SLC6A19: variants seen among roughly 807,000 people sequenced by gnomAD.
SLC6A19 encodes sodium-dependent neutral amino acid transporter B(0)AT1.
A neutral mutation model predicts 68.3 loss-of-function variants in SLC6A19; 67 were observed. The ratio of observed to expected loss-of-function variants is 0.98; its 90% CI spans 0.81 to 1.20. The LOEUF is 1.20. Among genes scored for constraint, SLC6A19 ranks in the 50% most tolerant of loss-of-function variants. The pLI is 0.00. For synonymous variants in SLC6A19, 392 were observed against 374.9 expected (o/e 1.05, Z -0.53); for missense variants, 813 against 851.6 (o/e 0.95, Z 0.56).
intron 1 of SLC6A19, among the ~76,000 whole-genome samples, chr5:1,205,697 C>G (rs185329202): frequency 3.3e-4 from 50 of 152,242 alleles, no homozygotes; most frequent in African/African-American, 1.2e-3. Context: ...GTGGAGGACA[C>G]TGGGGATCAT....
chr5:1,208,377 G>A (rs939950524), intron 1 of SLC6A19, among the ~76,000 whole-genome samples: 4 of 151,966 alleles, frequency 2.6e-5, no homozygotes, highest in Admixed American at 6.5e-5. Context: ...CAGCTCCTCC[G>A]TGGGACTCCT....
chr5:1,209,022 A>G lies in SLC6A19; in HGVS notation c.343+136A>G. 2 of 1,225,524 alleles carry G rather than the reference A, an allele frequency of 1.6e-6. No homozygotes were observed. Among genetic ancestry groups the G allele is most frequent in the Non-Finnish European group, 2.2e-6 (2 of 908,826 alleles). 75.9% of individuals were successfully genotyped at this position (1,225,524 alleles called of 1,614,324 possible). A position where few individuals can be genotyped will look rare whatever the true frequency, so the allele number is the denominator to read the frequency against. On this transcript the variant is annotated intron_variant, in intron 2 of 11. Coordinates refer to ENST00000304460, the MANE Select transcript of SLC6A19 (RefSeq NM_001003841.3). The surrounding 1 kb of genome is among the most constrained non-coding windows in gnomAD (Gnocchi z 5.5). ...TCCCTGTCTGTTTCTGGTGCAACAA[A>G]GGTCCCAGCTTCATCTCCTGGAGGC...
At position 1,209,381 on chromosome 5, in the gene SLC6A19, C is replaced by T. The variant is rs557863513; in HGVS notation, c.343+495C>T. Among the ~76,000 whole-genome samples the T allele has an allele frequency of 1.9e-4, 29 of 152,218 alleles. No individual in the cohort carries two copies. Among genetic ancestry groups the T allele is most frequent in the African/African-American group, 4.3e-4 (18 of 41,548 alleles). On this transcript the variant is annotated intron_variant, in intron 2 of 11. Transcript: ENST00000304460. The surrounding 1 kb of genome is among the most constrained non-coding windows in gnomAD (Gnocchi z 5.5). ...ATTAAGCCCTCAGAATATGGGCAGA[C>T]GGTGAAAGACGGAGGAGGAAAGGGC...
Position 1,214,388 on chromosome 5 carries a change from C to T in SLC6A19, c.887+323C>T, listed in dbSNP as rs568308721. On this transcript the variant is annotated intron_variant, in intron 6 of 11. Coordinates refer to ENST00000304460, the MANE Select transcript of SLC6A19 (RefSeq NM_001003841.3). The surrounding 1 kb of genome is among the most constrained non-coding windows in gnomAD (Gnocchi z 7.4). Reference sequence around the variant, plus strand: ...CCACACCCACATCGCTCCCAGCCCACCCCTGGGCATCCCAGGCCCCCAGAC... The same window carrying T: ...CCACACCCACATCGCTCCCAGCCCATCCCTGGGCATCCCAGGCCCCCAGAC... Among the ~76,000 whole-genome samples the T allele has an allele frequency of 9.9e-5, 15 of 152,248 alleles. No homozygotes were observed. The East Asian group carries it at 2.9e-3, about 29-fold the overall frequency.
chr5:1,210,587 T>A lies in SLC6A19; in HGVS notation c.481+6T>A. 1.2e-6 allele frequency: 2 copies of A among 1,612,142 alleles called. No individual in the cohort carries two copies. The highest frequency in any genetic ancestry group is 8.5e-7 in the Non-Finnish European group (1 of 1,179,968). On this transcript the variant is annotated splice_donor_region_variant and intron_variant, in intron 3 of 11. Transcript: ENST00000304460. ...GCTCAACGAGAACCAGACAGGTGAG[T>A]CCTTGCAAGCAGCCCCATCCGTCTC...
chr5:1,212,356 G>C lies in SLC6A19; in HGVS notation c.535G>C (p.Glu179Gln), dbSNP rs766694319. The C allele has an allele frequency of 1.7e-5, 28 of 1,613,518 alleles. No homozygotes were observed. The South Asian group carries it at 3.0e-4, about 17-fold the overall frequency. Residue 179 changes from glutamate to glutamine, a missense_variant, in exon 4 of 12, where the codon GAG becomes CAG. Transcript: ENST00000304460. This position sits in a 1 kb window ranked among gnomAD's most constrained non-coding sequence, Gnocchi z 5.1. ...CCCTGTGGACTACTTCTGGTACCGA[G>C]AGACGCTCAACATCTCCACGTCCAT... ...SSPVDYFWYR[E>Q]TLNISTSISD... is the part of the protein sequence containing the mutation.
Position 1,221,757 on chromosome 5 carries a change from G to T in SLC6A19, c.1758G>T (p.Val586=). The T allele has an allele frequency of 6.2e-7, 1 of 1,614,126 alleles. No homozygotes were observed. Among genetic ancestry groups the T allele is most frequent in the Non-Finnish European group, 8.5e-7 (1 of 1,179,982 alleles). The change falls in exon 12 of 12, where the codon GTG becomes GTT. Residue 586 remains valine, a synonymous_variant. Transcript: ENST00000304460. ...ACCCGAACTGGGTGTATGTGGTGGT[G>T]GTGATTGTGGCTGGAGTGCCCTCCC... is the stretch of plus-strand genomic sequence containing the variant. ...ISYPNWVYVV[V]VIVAGVPSLT...
chr5:1,205,197 C>T (rs770807939), intron 1 of SLC6A19, among the ~76,000 whole-genome samples: 5 of 152,248 alleles, frequency 3.3e-5, no homozygotes, highest in African/African-American at 7.2e-5. Flanking sequence ...GGCAGAGCCA[C>T]GCAGTGTTCC....
intron 1 of SLC6A19, among the ~76,000 whole-genome samples, chr5:1,205,934 C>T (rs968755438): frequency 4.6e-5 from 7 of 152,180 alleles, no homozygotes; most frequent in African/African-American, 1.4e-4. Flanking sequence ...TTTCATCTCT[C>T]GATGAATCCA....
chr5:1,203,697 T>C lies in SLC6A19; in HGVS notation c.202+1845T>C, dbSNP rs143676049. 7.5e-3 allele frequency among the ~76,000 whole-genome samples: 1,144 copies of C among 152,344 alleles called. 14 individuals carry two copies. The highest frequency in any genetic ancestry group is 9.0e-3 in the Non-Finnish European group (611 of 68,026). On this transcript the variant is annotated intron_variant, in intron 1 of 11. Transcript: ENST00000304460. ...GTCGCCCCGGCCTGGAGGAACCCTGTGCCTTTTGGTCATGCTGTGGGGGCT... is the reference window on the plus strand; with the variant it reads ...GTCGCCCCGGCCTGGAGGAACCCTGCGCCTTTTGGTCATGCTGTGGGGGCT...
intron 10 of SLC6A19, 152 bp downstream of exon 10, chr5:1,219,816 T>C (rs1173252752): frequency 4.9e-6 from 5 of 1,017,178 alleles, no homozygotes; most frequent in East Asian, 2.5e-5. Context: ...TGTAGACCTG[T>C]CCTGGCGGGA....
At chr5:1,216,737 C>G (rs558844060) in intron 7 of SLC6A19, 51 bp downstream of exon 7, 1 of 1,613,640 alleles carries the variant, frequency 6.2e-7, no homozygotes, top group Non-Finnish European at 8.5e-7. Context: ...CTCCAGGAAG[C>G]CTCCCAGCCT....
chr5:1,211,997 C>T (rs566192350), intron 3 of SLC6A19, among the ~76,000 whole-genome samples: 10 of 137,582 alleles, frequency 7.3e-5, no homozygotes, highest in Admixed American at 3.6e-4. Flanking sequence ...CGTGCATGTG[C>T]GTGCATGTGA....
At chr5:1,217,936 C>T (rs999437858) in intron 8 of SLC6A19, among the ~76,000 whole-genome samples, 8 of 152,200 alleles carry the variant, frequency 5.3e-5, no homozygotes, top group Non-Finnish European at 7.3e-5. Context: ...CCGTGGTGTG[C>T]AATCTCATGG....
chr5:1,214,107 T>TG lies in SLC6A19; in HGVS notation c.887+48dup, dbSNP rs1256882949. 6.2e-7 allele frequency: 1 copy of TG among 1,613,018 alleles called. No individual in the cohort carries two copies. Among genetic ancestry groups the TG allele is most frequent in the Non-Finnish European group, 8.5e-7 (1 of 1,179,792 alleles). On this transcript the variant is annotated intron_variant, in intron 6 of 11. Coordinates refer to ENST00000304460, the MANE Select transcript of SLC6A19 (RefSeq NM_001003841.3). The surrounding 1 kb of genome is among the most constrained non-coding windows in gnomAD (Gnocchi z 7.4). Reference sequence around the variant, plus strand: ...TGGGCCTCAGTTTCCCTCTCAGTCCTGGGGGGATCTTGCTGGGAGGATAAA... The same window carrying TG: ...TGGGCCTCAGTTTCCCTCTCAGTCCTGGGGGGGATCTTGCTGGGAGGATAAA...
rs374365963 is a variant in SLC6A19, at chr5:1,201,737, C to A, written c.87C>A (p.Ala29=). ...TGGAGACCATCGAGCAGGAGGAGGC[C>A]AGCTCCCGGCCGAAGTGGGACAACA... ...AELETIEQEE[A]SSRPKWDNKA... is the part of the protein sequence containing the mutation. Residue 29 remains alanine (A), a synonymous_variant, in exon 1 of 12, where the codon GCC becomes GCA. Transcript: ENST00000304460. 2 of 1,612,562 alleles carry A rather than the reference C, an allele frequency of 1.2e-6. No individual in the cohort carries two copies. The highest frequency in any genetic ancestry group is 2.7e-5 in the African/African-American group (2 of 74,934).
intron 1 of SLC6A19, among the ~76,000 whole-genome samples, chr5:1,208,439 T>G (rs1263282165): frequency 1.3e-5 from 2 of 152,006 alleles, no homozygotes; most frequent in Admixed American, 1.3e-4. Flanking sequence ...CGGCTGTGGT[T>G]GCATGTTGGT....
Position 1,216,799 on chromosome 5 carries a change from AC to A in SLC6A19, c.1030del (p.Leu344SerfsTer12), listed in dbSNP as rs748490870. 6.2e-7 allele frequency: 1 copy of A among 1,613,728 alleles called. No homozygotes were observed. The highest frequency in any genetic ancestry group is 2.2e-5 in the East Asian group (1 of 44,876). On this transcript the variant is annotated frameshift_variant, in exon 8 of 12. Coordinates refer to ENST00000304460, the MANE Select transcript of SLC6A19 (RefSeq NM_001003841.3). LOFTEE classifies it high-confidence loss of function. ...YDDCFSTNIL[T>X]LINGFDLPEG... is the part of the protein sequence containing the mutation. ...CAATCTGACCCGCAGGAACATCCTG[AC>A]CCTCATCAACGGGTTCGACCTGCCT...
At chr5:1,213,723 G>T in intron 5 of SLC6A19, 150 bp downstream of exon 5, 1 of 1,059,042 alleles carries the variant, frequency 9.4e-7, no homozygotes, top group Non-Finnish European at 1.4e-6. Flanking sequence ...CGGGGCCAGC[G>T]AGGGCAAGGC....
Sources: allele counts gnomAD v4.1 joint callset (sites outside exome capture counted in the v4.1 genomes callset), GRCh38; gene constraint gnomAD v4.1.1; non-coding constraint Gnocchi (gnomAD v3.1); transcripts MANE v1.5; gene names NCBI Gene and HGNC (gene_info 2026-07-23, HGNC 2026-07-21).